GAREM1: variants seen among roughly 807,000 people sequenced by gnomAD.
GAREM1 encodes the protein GRB2 associated regulator of MAPK1 subtype 1, also known as GRB2-associated and regulator of MAPK protein 1.
Under a neutral mutation model 71.3 loss-of-function variants are expected in GAREM1, and 26 were observed. The ratio of observed to expected loss-of-function variants is 0.36; its 90% CI spans 0.27 to 0.51. GAREM1 has a LOEUF of 0.51. Among genes scored for constraint, GAREM1 ranks in the 20% least tolerant of loss-of-function variants. GAREM1 has a pLI of 0.95. For synonymous variants in GAREM1, 440 were observed against 433.2 expected (o/e 1.02, Z -0.20); for missense variants, 1,026 against 1,103.1 (o/e 0.93, Z 0.99).
At chr18:32,333,032 A>C (rs2047552994) in intron 2 of GAREM1, among the ~76,000 whole-genome samples, 1 of 152,090 alleles carries the variant, frequency 6.6e-6, no homozygotes, top group Admixed American at 6.6e-5. Context: ...ATGATGATAA[A>C]ATAAAAAAGT....
rs998365405 is a variant in GAREM1 at position 32,470,108 on chromosome 18, C to CT, written c.121+199dup. Among the ~76,000 whole-genome samples the CT allele has an allele frequency of 3.0e-4, 45 of 151,976 alleles. No homozygotes were observed. Among genetic ancestry groups the CT allele is most frequent in the African/African-American group, 1.1e-3 (44 of 41,282 alleles). ...CCTTTTTAATTATACTGCAAGGACT[C>CT]TGATTTCCACCTCCTTGTCTGCTGC... On this transcript the variant is annotated intron_variant, in intron 1 of 5. Coordinates refer to ENST00000269209, the MANE Select transcript of GAREM1 (RefSeq NM_001242409.2). This position sits in a 1 kb window ranked among gnomAD's most constrained non-coding sequence, Gnocchi z 4.4.
Position 32,409,034 on chromosome 18 carries a change from G to A in GAREM1, c.122-15999C>T, listed in dbSNP as rs186340664. ...CATAGTGCCTATCTTTCTTTGGAGC[G>A]TACACCACGAAACAAGCAGAAACCC... On this transcript the variant is annotated intron_variant, in intron 1 of 5. Coordinates refer to ENST00000269209, the MANE Select transcript of GAREM1 (RefSeq NM_001242409.2). Among the ~76,000 whole-genome samples the A allele has an allele frequency of 7.7e-4, 117 of 152,196 alleles. 1 individual carries two copies. The East Asian group carries it at 0.018, about 23-fold the overall frequency.
rs754612342 is a variant in GAREM1 at position 32,287,134 on chromosome 18, T to C, written c.1463A>G (p.Lys488Arg). The C allele has an allele frequency of 6.2e-7, 1 of 1,614,212 alleles. No individual in the cohort carries two copies. Among genetic ancestry groups the C allele is most frequent in the Non-Finnish European group, 8.5e-7 (1 of 1,180,024 alleles). ...CDQFRGSVRS[K>R]CATSPLPIPG... ...GATGGGAAGAGGAGAAGTCGCACAT[T>C]TGGATCGGACAGAACCTCTAAACTG... The change falls in exon 4 of 6, where the codon AAA (lysine) becomes AGA (arginine). Residue 488 changes from lysine (K) to arginine (R), a missense_variant. By Grantham distance (26) the Lys-to-Arg change is conservative (BLOSUM62 2). Transcript: ENST00000269209. This position sits in a 1 kb window ranked among gnomAD's most constrained non-coding sequence, Gnocchi z 5.9.
At chr18:32,374,696 T>C (rs994329984) in intron 2 of GAREM1, among the ~76,000 whole-genome samples, 4 of 152,228 alleles carry the variant, frequency 2.6e-5, no homozygotes, top group African/African-American at 9.7e-5. Context: ...TGAGAAGAAC[T>C]TTCCATGGGA....
intron 4 of GAREM1, among the ~76,000 whole-genome samples, chr18:32,278,856 T>C (rs575529214): frequency 6.6e-6 from 1 of 152,328 alleles, no homozygotes; most frequent in South Asian, 2.1e-4. Context: ...AAATCCTGAT[T>C]CTTAGATGCG....
intron 1 of GAREM1, among the ~76,000 whole-genome samples, chr18:32,430,949 A>T (rs926743686): frequency 2.0e-5 from 3 of 152,206 alleles, no homozygotes; most frequent in African/African-American, 7.2e-5. Context: ...AGAGCTAGAA[A>T]ATGTCAGGGA....
chr18:32,300,928 A>G (rs1170449639), intron 3 of GAREM1, among the ~76,000 whole-genome samples: 2 of 149,632 alleles, frequency 1.3e-5, no homozygotes, highest in Admixed American at 6.7e-5. Flanking sequence ...AAAAAAAAAG[A>G]AGAAGGCACA....
chr18:32,305,364 C>T (rs181913849), intron 3 of GAREM1, among the ~76,000 whole-genome samples: 2 of 152,278 alleles, frequency 1.3e-5, no homozygotes, highest in South Asian at 2.1e-4. Context: ...CTGTCATTAC[C>T]GATCTTACTG....
Position 32,420,968 on chromosome 18 carries a change from A to G in GAREM1, c.122-27933T>C, listed in dbSNP as rs535138978. On this transcript the variant is annotated intron_variant, in intron 1 of 5. Transcript: ENST00000269209. The stretch of plus-strand genomic sequence containing the variant: ...GCGCTGCATCTACCTATTTAGAGTA[A>G]CATTTATAAATATACCCAGGGAGAT... 1.5e-3 allele frequency among the ~76,000 whole-genome samples: 229 copies of G among 152,250 alleles called. 1 individual carries two copies. Among genetic ancestry groups the G allele is most frequent in the Middle Eastern group, 6.8e-3 (2 of 294 alleles).
intron 2 of GAREM1, among the ~76,000 whole-genome samples, chr18:32,371,052 TA>T (rs1305922062): frequency 2.0e-5 from 3 of 151,890 alleles, no homozygotes; most frequent in Non-Finnish European, 4.4e-5. Flanking sequence ...AAGAGAGGAT[TA>T]TAGGAATGCC....
At chr18:32,345,160 A>G (rs2047682741) in intron 2 of GAREM1, among the ~76,000 whole-genome samples, 1 of 152,232 alleles carries the variant, frequency 6.6e-6, no homozygotes, top group Admixed American at 6.5e-5. Flanking sequence ...GTATGAGCAA[A>G]TCAAATACAG....
intron 1 of GAREM1, among the ~76,000 whole-genome samples, chr18:32,468,960 T>TTCCCC (rs2049023776): frequency 3.7e-5 from 3 of 82,164 alleles, no homozygotes; most frequent in African/African-American, 9.8e-5. Context: ...CACCTGTGCG[T>TTCCCC]CCCCCCCCCC....
chr18:32,421,432 T>TTCCC (rs1179634203), intron 1 of GAREM1, among the ~76,000 whole-genome samples: 2 of 152,168 alleles, frequency 1.3e-5, no homozygotes, highest in Non-Finnish European at 2.9e-5. Context: ...TCTAAACTGG[T>TTCCC]TCCCATTCTG....
At chr18:32,419,885 T>C (rs908720706) in intron 1 of GAREM1, among the ~76,000 whole-genome samples, 18 of 152,188 alleles carry the variant, frequency 1.2e-4, no homozygotes, top group African/African-American at 4.3e-4. Context: ...AAAAAGACTT[T>C]ATGGGTAAAA....
At chr18:32,284,565 G>A (rs939093277) in intron 4 of GAREM1, among the ~76,000 whole-genome samples, 1 of 152,156 alleles carries the variant, frequency 6.6e-6, no homozygotes, top group African/African-American at 2.4e-5. Context: ...AGATGAGTCT[G>A]TAAGTCAATC....
At chr18:32,468,861 A>C (rs1568023709) in intron 1 of GAREM1, among the ~76,000 whole-genome samples, 1 of 151,994 alleles carries the variant, frequency 6.6e-6, no homozygotes, top group African/African-American at 2.4e-5. Flanking sequence ...TGTGAATACA[A>C]ACACACACAC....
intron 2 of GAREM1, among the ~76,000 whole-genome samples, chr18:32,360,370 C>T (rs532391861): frequency 6.6e-6 from 1 of 152,210 alleles, no homozygotes; most frequent in East Asian, 1.9e-4. Flanking sequence ...CATGGACATT[C>T]CTCACAAGTC....
intron 3 of GAREM1, among the ~76,000 whole-genome samples, chr18:32,293,021 T>G (rs2047102053): frequency 6.6e-6 from 1 of 152,028 alleles, no homozygotes; most frequent in Non-Finnish European, 1.5e-5. Context: ...GAGACAGAAA[T>G]ACGGAATGAA....
intron 1 of GAREM1, among the ~76,000 whole-genome samples, chr18:32,428,527 C>T (rs994246073): frequency 7.2e-5 from 11 of 152,144 alleles, no homozygotes; most frequent in Admixed American, 1.3e-4. Flanking sequence ...TCCTCCTGCT[C>T]CAGCCATGTG....
Sources: gnomAD v4.1 joint callset for allele counts (sites outside exome capture counted in the v4.1 genomes callset) on GRCh38, gnomAD v4.1.1 for gene constraint, Gnocchi (gnomAD v3.1) non-coding constraint, MANE v1.5 for transcripts, NCBI Gene and HGNC (gene_info 2026-07-23, HGNC 2026-07-21) for gene names.